FAT3: variants seen among roughly 807,000 people sequenced by gnomAD.
The protein encoded by FAT3 is FAT atypical cadherin 3.
A neutral mutation model predicts 310.2 loss-of-function variants in FAT3; 95 were observed. That is an observed-to-expected ratio of 0.31 (90% confidence interval 0.26 to 0.36). The LOEUF is 0.36. Ranked by LOEUF, FAT3 falls within the 10% of genes least tolerant of loss-of-function variation. FAT3 has a pLI of 1.00. For missense variants in FAT3, 5,408 were observed against 5,715.6 expected (o/e 0.95, Z 1.74); for synonymous variants, 2,314 against 2,192.9 (o/e 1.06, Z -1.54).
chr11:92,760,878 A>G (rs1015765613), intron 4 of FAT3, among the ~76,000 whole-genome samples: 1 of 152,156 alleles, frequency 6.6e-6, no homozygotes, highest in Non-Finnish European at 1.5e-5. Flanking sequence ...TTCTATCTCA[A>G]TTTTCACAGG....
At position 92,331,938 on chromosome 11, in the gene FAT3, T is replaced by C. The variant is rs184763575; in HGVS notation, c.-17-20158T>C. On this transcript the variant is annotated intron_variant, in intron 1 of 27. Transcript: ENST00000525166. ...TTTCTTAAGATAGCCTTTTTCAGTT[T>C]AGGGTTCCTTATCAAATCCTTCTGC... Among the ~76,000 whole-genome samples the C allele has an allele frequency of 4.5e-4, 68 of 152,368 alleles. No homozygotes were observed. The East Asian group carries it at 0.012, about 28-fold the overall frequency.
intron 2 of FAT3, among the ~76,000 whole-genome samples, chr11:92,388,066 T>C (rs1949667895): frequency 6.6e-6 from 1 of 152,198 alleles, no homozygotes; most frequent in African/African-American, 2.4e-5. Flanking sequence ...AGGCAGCATT[T>C]AGAAGCAGAG....
At chr11:92,583,947 C>T (rs1448031735) in intron 3 of FAT3, among the ~76,000 whole-genome samples, 1 of 151,972 alleles carries the variant, frequency 6.6e-6, no homozygotes, top group Non-Finnish European at 1.5e-5. Context: ...TCTTTTGGTA[C>T]TAAACGAAGA....
intron 3 of FAT3, among the ~76,000 whole-genome samples, chr11:92,560,927 A>C (rs1300580669): frequency 6.6e-6 from 1 of 152,208 alleles, no homozygotes; most frequent in Non-Finnish European, 1.5e-5. Context: ...GAAATACCAG[A>C]GTATTTACTG....
chr11:92,696,788 A>C (rs1419957049), intron 3 of FAT3, among the ~76,000 whole-genome samples: 2 of 152,236 alleles, frequency 1.3e-5, no homozygotes, highest in Non-Finnish European at 2.9e-5. Flanking sequence ...GAAAAGGTAG[A>C]TATTTTTCAT....
intron 2 of FAT3, among the ~76,000 whole-genome samples, chr11:92,424,456 A>G (rs1351604929): frequency 6.6e-6 from 1 of 152,128 alleles, no homozygotes; most frequent in African/African-American, 2.4e-5. Context: ...TTACTCAACA[A>G]CTTGCTATTT....
intron 1 of FAT3, among the ~76,000 whole-genome samples, chr11:92,304,772 C>T (rs1200610868): frequency 6.6e-6 from 1 of 152,014 alleles, no homozygotes; most frequent in East Asian, 1.9e-4. Context: ...GAAGCACAGG[C>T]ATGGGGTCCA....
intron 1 of FAT3, among the ~76,000 whole-genome samples, chr11:92,332,000 CAT>C (rs1011194479): frequency 5.9e-5 from 9 of 152,190 alleles, no homozygotes; most frequent in African/African-American, 2.2e-4. Context: ...ATATCTCACA[CAT>C]GTTAGCTACA....
At position 92,840,590 on chromosome 11, in the gene FAT3, T is replaced by C. The variant is rs1948513828; in HGVS notation, c.10397T>C (p.Leu3466Ser). The change falls in exon 18 of 28, where the codon TTG (leucine) becomes TCG (serine). Residue 3466 changes from leucine (L) to serine (S), a missense_variant. Leu to Ser is a moderately radical substitution (Grantham distance 145). Transcript: ENST00000525166. ...QENKPVGTSI[L>S]QLVVTDRDSF... ...AATAAGCCAGTGGGCACCAGCATCTTGCAGCTGGTGGTGACAGACAGAGAC... is the reference window on the plus strand; with the variant it reads ...AATAAGCCAGTGGGCACCAGCATCTCGCAGCTGGTGGTGACAGACAGAGAC... 6.2e-7 allele frequency: 1 copy of C among 1,601,368 alleles called. No individual in the cohort carries two copies. The highest frequency in any genetic ancestry group is 1.3e-5 in the African/African-American group (1 of 74,760).
In FAT3 at chr11:92,620,722, T is replaced by A. The variant is rs192896141; in HGVS notation, c.3608-76662T>A. ...CCTATCAAAGACTCTTTTATTTGATTTTTTTAAAGTTATTTCTTTTATGAT... is the reference window on the plus strand; with the variant it reads ...CCTATCAAAGACTCTTTTATTTGATATTTTTAAAGTTATTTCTTTTATGAT... On this transcript the variant is annotated intron_variant, in intron 3 of 27. Transcript: ENST00000525166. Among the ~76,000 whole-genome samples, 264 of 152,324 alleles carry A rather than the reference T, an allele frequency of 1.7e-3. 1 individual carries two copies. Among genetic ancestry groups the A allele is most frequent in the African/African-American group, 6.1e-3 (252 of 41,578 alleles).
chr11:92,305,935 T>C (rs2134438354), intron 1 of FAT3, among the ~76,000 whole-genome samples: 1 of 152,276 alleles, frequency 6.6e-6, no homozygotes, highest in Admixed American at 6.5e-5. Context: ...TAGTTAAGAT[T>C]ATAGTATCAA....
intron 4 of FAT3, among the ~76,000 whole-genome samples, chr11:92,715,427 TAAAA>T (rs1027569262): frequency 6.6e-6 from 1 of 151,222 alleles, no homozygotes; most frequent in African/African-American, 2.4e-5. Flanking sequence ...AAAAAATAAA[TAAAA>T]ATAAAAAATT....
intron 1 of FAT3, among the ~76,000 whole-genome samples, chr11:92,264,717 C>T (rs990725033): frequency 1.4e-4 from 21 of 152,136 alleles, no homozygotes; most frequent in African/African-American, 3.9e-4. Flanking sequence ...TGCTTCTTCC[C>T]AGTGATGCCA....
At position 92,892,418 on chromosome 11, in the gene FAT3, T is replaced by A. The variant is rs900757912; in HGVS notation, c.*1305T>A. On this transcript the variant is annotated 3_prime_UTR_variant, in exon 28 of 28. Transcript: ENST00000525166. ...CCAATAAAGCAAAATTGTGCTTTTTTTTTTTTTTCTCAAGACAGAGTCTTG... is the reference window on the plus strand; with the variant it reads ...CCAATAAAGCAAAATTGTGCTTTTTATTTTTTTTCTCAAGACAGAGTCTTG... 6.6e-6 allele frequency: 1 copy of A among 152,046 alleles called. No homozygotes were observed. The highest frequency in any genetic ancestry group is 2.1e-4 in the South Asian group (1 of 4,816). 9.4% of individuals were successfully genotyped at this position (152,046 alleles called of 1,614,324 possible). A position where few individuals can be genotyped will look rare whatever the true frequency, so the allele number is the denominator to read the frequency against.
chr11:92,523,036 C>G (rs915136996), intron 2 of FAT3, among the ~76,000 whole-genome samples: 1 of 152,144 alleles, frequency 6.6e-6, no homozygotes, highest in Admixed American at 6.5e-5. Context: ...ATATTGGCTG[C>G]CAATAAAGTT....
intron 2 of FAT3, among the ~76,000 whole-genome samples, chr11:92,479,581 C>A (rs1222956638): frequency 6.6e-6 from 1 of 152,098 alleles, no homozygotes; most frequent in East Asian, 1.9e-4. Context: ...TCCCATTCTG[C>A]CTCTGTAGAT....
intron 1 of FAT3, among the ~76,000 whole-genome samples, chr11:92,290,704 C>A (rs1202324979): frequency 6.6e-6 from 1 of 151,248 alleles, no homozygotes; most frequent in Non-Finnish European, 1.5e-5. Flanking sequence ...GCAGAGGTTT[C>A]AGTGAGGCGA....
intron 21 of FAT3, among the ~76,000 whole-genome samples, chr11:92,859,656 G>T (rs1350395105): frequency 1.3e-5 from 2 of 152,266 alleles, no homozygotes; most frequent in Middle Eastern, 3.4e-3. Context: ...AAAAGGATTG[G>T]CTGTATCGTT....
intron 3 of FAT3, among the ~76,000 whole-genome samples, chr11:92,586,706 G>T (rs1348211869): frequency 6.6e-6 from 1 of 151,936 alleles, no homozygotes; most frequent in Non-Finnish European, 1.5e-5. Context: ...TACTAATCAT[G>T]ATTAAAATGT....
Sources: allele counts gnomAD v4.1 joint callset (sites outside exome capture counted in the v4.1 genomes callset), GRCh38; gene constraint gnomAD v4.1.1; transcripts MANE v1.5; gene names NCBI Gene and HGNC (gene_info 2026-07-23, HGNC 2026-07-21).